The following CD160 variants were observed in gnomAD, a reference collection of about 807,000 sequenced individuals.
CD160 encodes CD160 antigen.
CD160 carries 11 observed loss-of-function variants against 19.2 expected under a neutral mutation model. The observed-to-expected ratio is 0.57, with a 90% CI of 0.36 to 0.95. CD160 has a LOEUF of 0.95. CD160 is among the 40% of genes least tolerant of loss of function. The pLI, the probability that CD160 is intolerant of heterozygous loss-of-function variation, is 0.01. For synonymous variants in CD160, 75 were observed against 81.1 expected (o/e 0.93, Z 0.40); for missense variants, 182 against 213.2 (o/e 0.85, Z 0.91).
intron 1 of CD160, among the ~76,000 whole-genome samples, chr1:145,723,900 G>C (rs150598144): frequency 2.0e-5 from 3 of 151,948 alleles, no homozygotes; most frequent in African/African-American, 7.3e-5. Context: ...TATTTTTTTG[G>C]TATTATAAAA....
chr1:145,728,189 C>G, intron 2 of CD160, 67 bp from the exon 3 acceptor site: 1 of 646,072 alleles, frequency 1.5e-6, no homozygotes. Context: ...AAAGCTAGAG[C>G]CTGGGATGGG....
chr1:145,732,770 G>C (rs587649355), intron 4 of CD160, among the ~76,000 whole-genome samples: 1 of 152,098 alleles, frequency 6.6e-6, no homozygotes, highest in East Asian at 1.9e-4. Flanking sequence ...ACTTGATTTT[G>C]CAAAAAATAA....
intron 1 of CD160, among the ~76,000 whole-genome samples, chr1:145,723,636 T>C (rs1656942152): frequency 6.6e-6 from 1 of 152,044 alleles, no homozygotes; most frequent in Non-Finnish European, 1.5e-5. Context: ...CAGGCTGGAG[T>C]GCAGTGGCGT....
chr1:145,720,403 T>C (rs1356447122), intron 1 of CD160, among the ~76,000 whole-genome samples: 1 of 152,208 alleles, frequency 6.6e-6, no homozygotes, highest in African/African-American at 2.4e-5. Flanking sequence ...GTCAGGCACC[T>C]GCTTTGGTGT....
intron 3 of CD160, among the ~76,000 whole-genome samples, 182 bp from the exon 4 acceptor site, chr1:145,730,562 G>C (rs1223895943): frequency 2.0e-5 from 3 of 152,146 alleles, no homozygotes; most frequent in African/African-American, 7.2e-5. Context: ...CAAGGAGTTA[G>C]GTAACTTGCT....
At chr1:145,721,152 A>G (rs140616103) in intron 1 of CD160, among the ~76,000 whole-genome samples, 14 of 152,296 alleles carry the variant, frequency 9.2e-5, no homozygotes, top group Non-Finnish European at 1.9e-4. Context: ...GTGCCGCTCT[A>G]GTACATGCTG....
At chr1:145,721,012 G>C (rs887395008) in intron 1 of CD160, among the ~76,000 whole-genome samples, 1 of 152,174 alleles carries the variant, frequency 6.6e-6, no homozygotes, top group African/African-American at 2.4e-5. Flanking sequence ...AACTCCACGG[G>C]CACCCTCCCC....
At chr1:145,735,168 T>C (rs1350184003) in intron 4 of CD160, among the ~76,000 whole-genome samples, 1 of 152,164 alleles carries the variant, frequency 6.6e-6, no homozygotes, top group Non-Finnish European at 1.5e-5. Context: ...GTGCTTACTG[T>C]GGGCCAGGCA....
chr1:145,737,622 T>C (rs587602922), intron 5 of CD160: 1 of 152,226 alleles, frequency 6.6e-6, no homozygotes, highest in East Asian at 1.9e-4. Context: ...GACTTTAAAT[T>C]CCCTTGGTTA....
At chr1:145,727,972 GA>G (rs1208540360) in intron 2 of CD160, among the ~76,000 whole-genome samples, 5 of 151,938 alleles carry the variant, frequency 3.3e-5, no homozygotes, top group Admixed American at 1.3e-4. Context: ...GATTATAGTA[GA>G]AAAAAAGTTT....
At position 145,721,601 on chromosome 1, in the gene CD160, C is replaced by T. The variant is rs587654248; in HGVS notation, c.-179+2042C>T. ...GTCCTCTCTCTCCTTGGAAGCGGTC[C>T]CTACCCTGCGCCCCTCCCATCCCGC... is the stretch of plus-strand genomic sequence containing the variant. On this transcript the variant is annotated intron_variant, in intron 1 of 5. Coordinates refer to ENST00000369288, the MANE Select transcript of CD160 (RefSeq NM_007053.4). 2.0e-5 allele frequency among the ~76,000 whole-genome samples: 3 copies of T among 152,212 alleles called. No homozygotes were observed. In the East Asian group the frequency reaches 5.8e-4, roughly 30 times the overall value.
chr1:145,736,245 G>A (rs868953271), intron 5 of CD160, 111 bp downstream of exon 5: 17 of 1,570,954 alleles, frequency 1.1e-5, no homozygotes. Context: ...CAGGGGGAGA[G>A]AAAAATGTTA....
chr1:145,719,833 G>A (rs1656757969), intron 1 of CD160, among the ~76,000 whole-genome samples: 1 of 152,184 alleles, frequency 6.6e-6, no homozygotes. Flanking sequence ...AGTTACCAAA[G>A]TTTAGATCTG....
chr1:145,738,464 A>G (rs201085474), intron 5 of CD160, 22 bp from the exon 6 acceptor site: 15 of 1,319,860 alleles, frequency 1.1e-5, no homozygotes, highest in Admixed American at 3.0e-5. Flanking sequence ...ATAAGGCAGT[A>G]ATACAAACTT....
chr1:145,733,972 C>T (rs1235236440), intron 4 of CD160, among the ~76,000 whole-genome samples: 2 of 152,190 alleles, frequency 1.3e-5, no homozygotes, highest in Non-Finnish European at 2.9e-5. Flanking sequence ...GGATGTCCCA[C>T]CATTTCCTCA....
rs781935758 is a variant in CD160, at chr1:145,731,071, G to A, written c.400+1G>A. 3.7e-6 allele frequency: 6 copies of A among 1,611,614 alleles called. No homozygotes were observed. Among genetic ancestry groups the A allele is most frequent in the South Asian group, 3.3e-5 (3 of 90,758 alleles). ...CATTTTTTCTCCATTCTATTCACAG[G>A]TGAGTGCTCAAATACTCCTAATGCC... is the stretch of plus-strand genomic sequence containing the variant. On this transcript the variant is annotated splice_donor_variant, in intron 4 of 5. Coordinates refer to ENST00000369288, the MANE Select transcript of CD160 (RefSeq NM_007053.4). LOFTEE classifies it high-confidence loss of function.
intron 3 of CD160, among the ~76,000 whole-genome samples, chr1:145,729,281 C>T (rs1289495010): frequency 3.9e-5 from 6 of 152,104 alleles, no homozygotes; most frequent in African/African-American, 1.4e-4. Context: ...TGCCTCTTCA[C>T]CGTTTTCATG....
At chr1:145,719,872 C>T (rs587623465) in intron 1 of CD160, among the ~76,000 whole-genome samples, 1 of 152,320 alleles carries the variant, frequency 6.6e-6, no homozygotes, top group Admixed American at 6.5e-5. Flanking sequence ...TGGCCTGAGA[C>T]AAGCCGGGAG....
Position 145,731,030 on chromosome 1 carries a change from T to C in CD160, c.360T>C (p.Gly120=). The C allele has an allele frequency of 1.2e-6, 2 of 1,614,132 alleles. No individual in the cohort carries two copies. ...GTTGTGCCAGAAGCCAGAAGTCAGG[T>C]ATCCGCCTTCAGGGCCATTTTTTCT... ...YQCCARSQKS[G]IRLQGHFFSI... is the part of the protein sequence containing the mutation. Residue 120 remains glycine (G), a synonymous_variant, in exon 4 of 6, where the codon GGT becomes GGC. Transcript: ENST00000369288.
Sources: allele counts gnomAD v4.1 joint callset (sites outside exome capture counted in the v4.1 genomes callset), GRCh38; gene constraint gnomAD v4.1.1; transcripts MANE v1.5; gene names NCBI Gene and HGNC (gene_info 2026-07-23, HGNC 2026-07-21).